The following CPQ variants were observed in gnomAD, a reference collection of about 807,000 sequenced individuals.
The protein encoded by CPQ is carboxypeptidase Q.
Under a neutral mutation model 45.7 loss-of-function variants are expected in CPQ, and 37 were observed. The observed-to-expected ratio is 0.81, with a 90% CI of 0.62 to 1.07. The LOEUF (loss-of-function observed/expected upper bound fraction) is 1.07, where lower values mean the gene tolerates loss of function less well. CPQ is among the 50% of genes least tolerant of loss of function. The pLI is 0.00. For synonymous variants in CPQ, 186 were observed against 205.8 expected, an observed-to-expected ratio of 0.90 and a Z score of 0.82; for missense variants, 537 against 572.9, an observed-to-expected ratio of 0.94 and a Z score of 0.64.
At chr8:96,753,609 G>T (rs1810290700) in intron 1 of CPQ, among the ~76,000 whole-genome samples, 2 of 139,120 alleles carry the variant, frequency 1.4e-5, no homozygotes, top group South Asian at 4.5e-4. Flanking sequence ...TCTAATTATT[G>T]TTAGTATATA....
intron 7 of CPQ, among the ~76,000 whole-genome samples, chr8:97,086,443 C>T (rs1023516249): frequency 3.9e-4 from 60 of 152,094 alleles, no homozygotes; most frequent in African/African-American, 1.4e-3. Flanking sequence ...GAGGGGGTTA[C>T]CTAAATGGTA....
intron 1 of CPQ, among the ~76,000 whole-genome samples, chr8:96,773,200 A>C (rs1810567836): frequency 3.3e-5 from 5 of 152,232 alleles, no homozygotes. Context: ...TTGTTTGATG[A>C]ATTTATTCAT....
intron 5 of CPQ, among the ~76,000 whole-genome samples, chr8:96,999,435 A>C (rs754638581): frequency 1.3e-5 from 2 of 151,540 alleles, no homozygotes; most frequent in Non-Finnish European, 3.0e-5. Flanking sequence ...GTTCCCCTCT[A>C]CATGTTCATG....
At chr8:97,055,976 G>C (rs1367158077) in intron 6 of CPQ, among the ~76,000 whole-genome samples, 1 of 152,136 alleles carries the variant, frequency 6.6e-6, no homozygotes, top group Non-Finnish European at 1.5e-5. Flanking sequence ...TGGTGCACCT[G>C]TAGTCCCAGC....
chr8:97,045,161 C>CT lies in CPQ; in HGVS notation c.1053+15674dup, dbSNP rs551649571. Among the ~76,000 whole-genome samples the CT allele has an allele frequency of 3.3e-4, 50 of 152,300 alleles. 1 individual carries two copies. The East Asian group carries it at 6.0e-3, about 18-fold the overall frequency. Reference sequence around the variant, plus strand: ...CCACCCAGTTCGAGCTTCCCGGCTGCTTTTTTTACCTAAGCAAGCCTGGGC... The same window carrying CT: ...CCACCCAGTTCGAGCTTCCCGGCTGCTTTTTTTTACCTAAGCAAGCCTGGGC... On this transcript the variant is annotated intron_variant, in intron 6 of 7. Coordinates refer to ENST00000220763, the MANE Select transcript of CPQ (RefSeq NM_016134.4).
chr8:97,077,491 A>G (rs1810869448), intron 7 of CPQ, among the ~76,000 whole-genome samples: 1 of 152,214 alleles, frequency 6.6e-6, no homozygotes, highest in African/African-American at 2.4e-5. Context: ...ATGATTTAAT[A>G]CTACATCTTT....
At chr8:96,908,211 C>T (rs1812605678) in intron 4 of CPQ, among the ~76,000 whole-genome samples, 1 of 149,976 alleles carries the variant, frequency 6.7e-6, no homozygotes, top group African/African-American at 2.5e-5. Flanking sequence ...AAGAGAGAGA[C>T]AGAAAGAGAA....
chr8:96,839,723 A>C lies in CPQ; in HGVS notation c.641+4543A>C, dbSNP rs35783365. 4.1e-3 allele frequency among the ~76,000 whole-genome samples: 628 copies of C among 152,290 alleles called. 2 individuals are homozygous for C. The highest frequency in any genetic ancestry group is 6.1e-3 in the Non-Finnish European group (415 of 68,018). ...AATATTTTTATGTAGCCAAAAGAGA[A>C]GGGGGTAAGAACATGTAAGTGATTA... is the stretch of plus-strand genomic sequence containing the variant. On this transcript the variant is annotated intron_variant, in intron 3 of 7. Coordinates refer to ENST00000220763, the MANE Select transcript of CPQ (RefSeq NM_016134.4).
At chr8:96,883,791 G>A (rs1448429822) in intron 4 of CPQ, among the ~76,000 whole-genome samples, 3 of 152,154 alleles carry the variant, frequency 2.0e-5, no homozygotes, top group African/African-American at 7.2e-5. Context: ...TCATGCCACT[G>A]TTATGGTGTC....
At chr8:97,130,430 T>TG (rs1461082913) in intron 7 of CPQ, among the ~76,000 whole-genome samples, 1 of 151,358 alleles carries the variant, frequency 6.6e-6, no homozygotes, top group African/African-American at 2.4e-5. Flanking sequence ...GTTTTTTTTT[T>TG]TTTTTTTTTT....
intron 1 of CPQ, among the ~76,000 whole-genome samples, chr8:96,715,796 G>T (rs1809666149): frequency 6.6e-6 from 1 of 152,208 alleles, no homozygotes; most frequent in African/African-American, 2.4e-5. Context: ...CCTTTCTGCA[G>T]GAATAGGAGT....
At chr8:97,132,033 T>G (rs1563590065) in intron 7 of CPQ, among the ~76,000 whole-genome samples, 1 of 152,232 alleles carries the variant, frequency 6.6e-6, no homozygotes, top group Non-Finnish European at 1.5e-5. Context: ...AGGTAAAATA[T>G]CCCCTTTTTC....
chr8:96,748,365 T>A (rs1021942805), intron 1 of CPQ, among the ~76,000 whole-genome samples: 5 of 152,160 alleles, frequency 3.3e-5, no homozygotes, highest in Non-Finnish European at 7.4e-5. Flanking sequence ...CCCAAATTTT[T>A]ACCCACATCC....
chr8:97,127,807 CATT>C (rs1811872763), intron 7 of CPQ, among the ~76,000 whole-genome samples: 2 of 152,200 alleles, frequency 1.3e-5, no homozygotes, highest in Admixed American at 6.5e-5. Flanking sequence ...ATTCCCAAAT[CATT>C]ATGCTGAGCA....
At chr8:96,814,570 T>G (rs767599912) in intron 2 of CPQ, among the ~76,000 whole-genome samples, 9 of 152,314 alleles carry the variant, frequency 5.9e-5, no homozygotes, top group South Asian at 2.1e-4. Flanking sequence ...TGCATTTCTC[T>G]AAATCTTGCC....
intron 2 of CPQ, among the ~76,000 whole-genome samples, chr8:96,810,880 C>G (rs1811153114): frequency 6.6e-6 from 1 of 152,116 alleles, no homozygotes; most frequent in Non-Finnish European, 1.5e-5. Flanking sequence ...GCTTTGGGTC[C>G]TCTATAGCAC....
At chr8:96,907,565 G>A (rs950514106) in intron 4 of CPQ, among the ~76,000 whole-genome samples, 1 of 152,136 alleles carries the variant, frequency 6.6e-6, no homozygotes, top group African/African-American at 2.4e-5. Flanking sequence ...CCATGGGAAG[G>A]TATACAGAAC....
chr8:96,845,890 G>T (rs1811681181), intron 3 of CPQ, among the ~76,000 whole-genome samples: 1 of 152,104 alleles, frequency 6.6e-6, no homozygotes, highest in African/African-American at 2.4e-5. Flanking sequence ...CGCGATCTCG[G>T]CTCACTGCAA....
At chr8:96,811,080 T>A (rs981134213) in intron 2 of CPQ, among the ~76,000 whole-genome samples, 1 of 152,302 alleles carries the variant, frequency 6.6e-6, no homozygotes, top group East Asian at 1.9e-4. Context: ...AAGTTTAAGC[T>A]AATAAAATAT....
Sources: gnomAD v4.1 joint callset for allele counts (sites outside exome capture counted in the v4.1 genomes callset) on GRCh38, gnomAD v4.1.1 for gene constraint, MANE v1.5 for transcripts, NCBI Gene and HGNC (gene_info 2026-07-23, HGNC 2026-07-21) for gene names.